RANBP2: variants seen among roughly 807,000 people sequenced by gnomAD.
RANBP2 encodes the protein E3 SUMO-protein ligase RanBP2.
Under a neutral mutation model 303.6 loss-of-function variants are expected in RANBP2, and 57 were observed. The ratio of observed to expected loss-of-function variants is 0.19; its 90% CI spans 0.15 to 0.23. The LOEUF (loss-of-function observed/expected upper bound fraction) is 0.23, where lower values mean the gene tolerates loss of function less well. Ranked by LOEUF, RANBP2 falls within the 10% of genes least tolerant of loss-of-function variation. The pLI, the probability that RANBP2 is intolerant of heterozygous loss-of-function variation, is 1.00. For synonymous variants in RANBP2, 1,167 were observed against 1,301.5 expected, an observed-to-expected ratio of 0.90 and a Z score of 2.23; for missense variants, 3,138 against 3,780.8, an observed-to-expected ratio of 0.83 and a Z score of 4.46.
At chr2:108,749,599 T>G (rs1430399993) in intron 9 of RANBP2, among the ~76,000 whole-genome samples, 1 of 151,592 alleles carries the variant, frequency 6.6e-6, no homozygotes, top group Non-Finnish European at 1.5e-5. Flanking sequence ...CGACCAGCCT[T>G]GTTGTATTTT....
At chr2:108,917,178 G>A in the RANBP2 span, among the ~76,000 whole-genome samples, 1 of 152,208 alleles carries the variant, frequency 6.6e-6, no homozygotes, top group Non-Finnish European at 1.5e-5. Flanking sequence ...AAAAGGAAAT[G>A]GATCTGCCCC....
the RANBP2 span, among the ~76,000 whole-genome samples, chr2:109,514,664 G>A: frequency 6.6e-6 from 1 of 152,208 alleles, no homozygotes; most frequent in Non-Finnish European, 1.5e-5. Flanking sequence ...CCTCAGGTGT[G>A]GCTACAGCCT....
At chr2:109,347,776 A>G in the RANBP2 span, 1 of 1,613,990 alleles carries the variant, frequency 6.2e-7, no homozygotes, top group Admixed American at 1.7e-5. Flanking sequence ...CCTGCGGCGC[A>G]AGGTGGATGA....
chr2:109,363,620 T>C, the RANBP2 span, among the ~76,000 whole-genome samples: 3 of 152,210 alleles, frequency 2.0e-5, no homozygotes, highest in Non-Finnish European at 4.4e-5. Context: ...TCCAAAGAAC[T>C]CTTTAAAAAC....
chr2:109,045,463 G>A, the RANBP2 span, among the ~76,000 whole-genome samples: 1 of 152,190 alleles, frequency 6.6e-6, no homozygotes, highest in South Asian at 2.1e-4. Context: ...TCAAAGTCTG[G>A]TTTTCCACAA....
the RANBP2 span, among the ~76,000 whole-genome samples, chr2:108,809,212 A>C: frequency 6.6e-6 from 1 of 152,186 alleles, no homozygotes; most frequent in Non-Finnish European, 1.5e-5. Flanking sequence ...TGTTCTGGTT[A>C]CTACAGTTTT....
chr2:109,670,549 A>G, the RANBP2 span, among the ~76,000 whole-genome samples: 1 of 152,064 alleles, frequency 6.6e-6, no homozygotes, highest in Non-Finnish European at 1.5e-5. Context: ...GGCGGGTGGC[A>G]GAGGCAGCAG....
chr2:109,657,794 A>G, the RANBP2 span, among the ~76,000 whole-genome samples: 1 of 136,744 alleles, frequency 7.3e-6, no homozygotes, highest in African/African-American at 2.8e-5. Flanking sequence ...ATCTTGGCTC[A>G]CTGCAACCTC....
chr2:109,300,405 CCT>C, the RANBP2 span, among the ~76,000 whole-genome samples: 1 of 152,096 alleles, frequency 6.6e-6, no homozygotes, highest in Admixed American at 6.5e-5. Context: ...GTCTCCAACT[CCT>C]CACCTCAAGT....
chr2:109,496,175 TGATTGGTGCATTTTACAGAGTGCG>T, the RANBP2 span, among the ~76,000 whole-genome samples: 14 of 152,366 alleles, frequency 9.2e-5, no homozygotes, highest in Admixed American at 2.0e-4. Flanking sequence ...AGGATCCTGC[TGATTGGTGCATTTTACAGAGTGCG>T]GATTGGTGCA....
chr2:109,529,671 G>A, the RANBP2 span, among the ~76,000 whole-genome samples: 1 of 152,230 alleles, frequency 6.6e-6, no homozygotes, highest in Non-Finnish European at 1.5e-5. Flanking sequence ...GGGGAACTGT[G>A]GAAGGCGTTG....
the RANBP2 span, among the ~76,000 whole-genome samples, chr2:109,064,314 G>C: frequency 1.3e-5 from 2 of 151,856 alleles, no homozygotes; most frequent in Non-Finnish European, 2.9e-5. Flanking sequence ...AAATTAGCCG[G>C]GCATGGTGTC....
At chr2:108,727,980 G>A (rs1218421257) in intron 1 of RANBP2, among the ~76,000 whole-genome samples, 3 of 152,180 alleles carry the variant, frequency 2.0e-5, no homozygotes, top group African/African-American at 7.2e-5. Context: ...ATTACTTGAA[G>A]AATTCAATAT....
the RANBP2 span, among the ~76,000 whole-genome samples, chr2:109,583,126 T>C: frequency 6.6e-6 from 1 of 152,226 alleles, no homozygotes; most frequent in African/African-American, 2.4e-5. Context: ...GGAAAAGAAT[T>C]TACGATTAAG....
At chr2:109,248,270 T>A in the RANBP2 span, among the ~76,000 whole-genome samples, 87 of 152,368 alleles carry the variant, frequency 5.7e-4, no homozygotes, top group African/African-American at 2.0e-3. Flanking sequence ...TCAATCTTTT[T>A]CTTTTCTGAT....
the RANBP2 span, among the ~76,000 whole-genome samples, chr2:109,730,670 C>T: frequency 6.6e-6 from 1 of 151,748 alleles, no homozygotes; most frequent in East Asian, 1.9e-4. Flanking sequence ...AAGATGCCAG[C>T]ATGGTCTAGT....
the RANBP2 span, among the ~76,000 whole-genome samples, chr2:108,901,201 C>T: frequency 7.2e-5 from 11 of 152,182 alleles, no homozygotes; most frequent in Non-Finnish European, 1.3e-4. Context: ...GAAAAATCTT[C>T]ACACACTTGA....
chr2:108,932,608 C>G, the RANBP2 span, among the ~76,000 whole-genome samples: 1 of 150,906 alleles, frequency 6.6e-6, no homozygotes, highest in Non-Finnish European at 1.5e-5. Context: ...AAGTCAGCAG[C>G]CAGGGAACGG....
the RANBP2 span, among the ~76,000 whole-genome samples, chr2:109,724,032 C>T: frequency 4.6e-5 from 7 of 152,122 alleles, no homozygotes; most frequent in Admixed American, 2.6e-4. Flanking sequence ...GGAATCCTTC[C>T]CCCATTGCTT....
Sources: gnomAD v4.1 joint callset for allele counts (sites outside exome capture counted in the v4.1 genomes callset) on GRCh38, gnomAD v4.1.1 for gene constraint, MANE v1.5 for transcripts, NCBI Gene and HGNC (gene_info 2026-07-23, HGNC 2026-07-21) for gene names.